Variants in UNC5D observed in about 807,000 individuals in gnomAD.
The protein encoded by UNC5D is unc-5 netrin receptor D, also known as netrin receptor UNC5D.
UNC5D carries 39 observed loss-of-function variants against 105.4 expected under a neutral mutation model. The observed-to-expected ratio is 0.37, with a 90% CI of 0.29 to 0.48. The LOEUF is 0.48. Ranked by LOEUF, UNC5D falls within the 20% of genes least tolerant of loss-of-function variation. UNC5D has a pLI of 0.98. For synonymous variants in UNC5D, 452 were observed against 450.4 expected (o/e 1.00, Z -0.04); for missense variants, 991 against 1,202.4 (o/e 0.82, Z 2.60).
chr8:35,653,023 A>T (rs556775453), intron 4 of UNC5D, among the ~76,000 whole-genome samples: 1 of 134,590 alleles, frequency 7.4e-6, no homozygotes, highest in Non-Finnish European at 1.5e-5. Flanking sequence ...TCCGCCTCCC[A>T]GTTTCAAGTG....
intron 1 of UNC5D, among the ~76,000 whole-genome samples, chr8:35,444,106 A>T (rs1807619584): frequency 6.6e-6 from 1 of 151,860 alleles, no homozygotes; most frequent in Admixed American, 6.6e-5. Context: ...CCTTTTTTTC[A>T]CCCATCTCTG....
chr8:35,583,428 C>T (rs1446796390), intron 3 of UNC5D, among the ~76,000 whole-genome samples: 2 of 152,044 alleles, frequency 1.3e-5, no homozygotes, highest in Non-Finnish European at 2.9e-5. Flanking sequence ...ATAGTCTTTC[C>T]ATATCCTGCT....
intron 11 of UNC5D, among the ~76,000 whole-genome samples, chr8:35,746,460 T>C (rs983480414): frequency 2.6e-5 from 4 of 152,186 alleles, no homozygotes; most frequent in African/African-American, 7.2e-5. Flanking sequence ...CCATGGACAC[T>C]ATTTTCACAG....
At chr8:35,563,364 G>C (rs571122890) in intron 2 of UNC5D, among the ~76,000 whole-genome samples, 3 of 121,490 alleles carry the variant, frequency 2.5e-5, no homozygotes, top group Non-Finnish European at 5.0e-5. Flanking sequence ...TGTGGGGGGT[G>C]GGGGGGTGGG....
chr8:35,478,176 A>G (rs996535334), intron 1 of UNC5D, among the ~76,000 whole-genome samples: 1 of 152,134 alleles, frequency 6.6e-6, no homozygotes, highest in African/African-American at 2.4e-5. Flanking sequence ...ATCAACACAG[A>G]TGGGTTTACC....
chr8:35,655,612 T>C (rs1204732705), intron 4 of UNC5D, among the ~76,000 whole-genome samples: 1 of 152,208 alleles, frequency 6.6e-6, no homozygotes, highest in African/African-American at 2.4e-5. Context: ...CCAATTTAAT[T>C]CAGGAGACAG....
chr8:35,266,627 T>C (rs1804890983), intron 1 of UNC5D, among the ~76,000 whole-genome samples: 1 of 152,176 alleles, frequency 6.6e-6, no homozygotes, highest in Non-Finnish European at 1.5e-5. Flanking sequence ...TGGTCAGGAA[T>C]TCAGCAGAGT....
intron 1 of UNC5D, among the ~76,000 whole-genome samples, chr8:35,296,623 G>A (rs1365758009): frequency 1.3e-5 from 2 of 152,114 alleles, no homozygotes; most frequent in African/African-American, 4.8e-5. Flanking sequence ...GTCTCACCAT[G>A]TTGGTCAGGC....
At chr8:35,336,773 T>C (rs1046039288) in intron 1 of UNC5D, among the ~76,000 whole-genome samples, 5 of 148,584 alleles carry the variant, frequency 3.4e-5, no homozygotes, top group African/African-American at 1.2e-4. Context: ...AAAGCCCAGA[T>C]AGACCAAAGG....
intron 1 of UNC5D, among the ~76,000 whole-genome samples, chr8:35,372,886 G>A (rs1319684458): frequency 6.6e-6 from 1 of 152,186 alleles, no homozygotes; most frequent in African/African-American, 2.4e-5. Context: ...ACAAATGTGA[G>A]CCACTATGCA....
At chr8:35,402,923 C>CA (rs775922473) in intron 1 of UNC5D, among the ~76,000 whole-genome samples, 2 of 152,276 alleles carry the variant, frequency 1.3e-5, no homozygotes, top group East Asian at 3.9e-4. Flanking sequence ...GGTGCTGCCC[C>CA]ACTCTTGGAA....
At chr8:35,420,636 G>A (rs1441130735) in intron 1 of UNC5D, among the ~76,000 whole-genome samples, 2 of 152,132 alleles carry the variant, frequency 1.3e-5, no homozygotes, top group African/African-American at 4.8e-5. Context: ...AGCCAGATGT[G>A]CCTCCTACTC....
chr8:35,336,792 T>TG (rs1811078225), intron 1 of UNC5D, among the ~76,000 whole-genome samples: 1 of 2,406 alleles, frequency 4.2e-4, no homozygotes, highest in African/African-American at 4.4e-4. Flanking sequence ...GGAAATAGTG[T>TG]TTTTTTTTTT....
intron 11 of UNC5D, among the ~76,000 whole-genome samples, chr8:35,734,827 G>C (rs1829382376): frequency 1.4e-5 from 2 of 142,350 alleles, no homozygotes; most frequent in African/African-American, 2.9e-5. Flanking sequence ...CTGTTGCTCA[G>C]GTTGGAGTGC....
At chr8:35,332,123 G>T (rs941429465) in intron 1 of UNC5D, among the ~76,000 whole-genome samples, 6 of 152,178 alleles carry the variant, frequency 3.9e-5, no homozygotes, top group Non-Finnish European at 8.8e-5. Context: ...TTTCTTGAGG[G>T]ATATGACCAT....
intron 13 of UNC5D, 38 bp downstream of exon 13, chr8:35,750,847 G>T: frequency 6.2e-7 from 1 of 1,608,822 alleles, no homozygotes; most frequent in African/African-American, 1.3e-5. Context: ...TTGGTGTCAT[G>T]AAAGTGTGTG....
intron 16 of UNC5D, 34 bp downstream of exon 16, chr8:35,774,511 C>A (rs754908893): frequency 3.1e-6 from 5 of 1,609,286 alleles, no homozygotes; most frequent in Non-Finnish European, 4.2e-6. Flanking sequence ...GACGATGTTA[C>A]TAAGAGAACT....
chr8:35,430,455 G>C lies in UNC5D; in HGVS notation c.104-118837G>C, dbSNP rs79717340. Among the ~76,000 whole-genome samples, 429 of 152,192 alleles carry C rather than the reference G, an allele frequency of 2.8e-3. 3 individuals carry two copies. Among genetic ancestry groups the C allele is most frequent in the East Asian group, 0.028 (143 of 5,168 alleles). On this transcript the variant is annotated intron_variant, in intron 1 of 16. Transcript: ENST00000404895. ...AGTGTTTCTGTGAGTTCTGTGAGCT[G>C]CTCTAGCATGTCAATTAAACCCAAG...
intron 1 of UNC5D, among the ~76,000 whole-genome samples, chr8:35,359,580 A>G (rs1801748422): frequency 6.6e-6 from 1 of 152,210 alleles, no homozygotes; most frequent in Non-Finnish European, 1.5e-5. Context: ...CTTATACCAT[A>G]CATGGATTAC....
Sources: allele counts gnomAD v4.1 joint callset (sites outside exome capture counted in the v4.1 genomes callset), GRCh38; gene constraint gnomAD v4.1.1; transcripts MANE v1.5; gene names NCBI Gene and HGNC (gene_info 2026-07-23, HGNC 2026-07-21).